Variants in GART observed in about 807,000 individuals in gnomAD.
GART encodes the protein phosphoribosylglycinamide formyltransferase, phosphoribosylglycinamide synthetase, phosphoribosylaminoimidazole synthetase.
A neutral mutation model predicts 107.2 loss-of-function variants in GART; 43 were observed. That is an observed-to-expected ratio of 0.40 (90% CI 0.31 to 0.52). The LOEUF (loss-of-function observed/expected upper bound fraction) is 0.52, where lower values mean the gene tolerates loss of function less well. Ranked by LOEUF, GART falls within the 20% of genes least tolerant of loss-of-function variation. GART has a pLI of 0.52. For synonymous variants in GART, 434 were observed against 427.0 expected, an observed-to-expected ratio of 1.02 and a Z score of -0.20; for missense variants, 1,107 against 1,206.5, an observed-to-expected ratio of 0.92 and a Z score of 1.22.
intron 14 of GART, 125 bp from the exon 15 acceptor site, chr21:33,517,733 ATG>A (rs2084904543): frequency 1.0e-5 from 10 of 955,200 alleles, no homozygotes; most frequent in Non-Finnish European, 1.6e-5. Context: ...ATTTAAGAAA[ATG>A]TACTCTACCA....
chr21:33,535,801 G>A (rs1198092984), intron 2 of GART, among the ~76,000 whole-genome samples: 3 of 152,164 alleles, frequency 2.0e-5, no homozygotes, highest in African/African-American at 7.2e-5. Context: ...GCCGAGGTGG[G>A]TGGATCACCT....
At chr21:33,523,272 T>G (rs1332729667) in intron 11 of GART, among the ~76,000 whole-genome samples, 1 of 152,194 alleles carries the variant, frequency 6.6e-6, no homozygotes, top group East Asian at 1.9e-4. Context: ...CAGAATACAG[T>G]TGAGTGCATT....
rs771139068 is a variant in GART at position 33,532,496 on chromosome 21, T to C, written c.417-40A>G. 4 of 1,426,826 alleles carry C rather than the reference T, an allele frequency of 2.8e-6. No individual in the cohort carries two copies. The Admixed American group carries it at 5.1e-5, about 18-fold the overall frequency. 88.4% of individuals were successfully genotyped at this position (1,426,826 alleles called of 1,614,324 possible). ...TAATCGTCAACATCCAATAAACCATTACAACTCAAGATTTTAAAATGCTGT... is the reference window on the plus strand; with the variant it reads ...TAATCGTCAACATCCAATAAACCATCACAACTCAAGATTTTAAAATGCTGT... On this transcript the variant is annotated intron_variant, in intron 4 of 21. Transcript: ENST00000381815.
At chr21:33,528,028 C>A in intron 10 of GART, 139 bp downstream of exon 10, 1 of 692,136 alleles carries the variant, frequency 1.4e-6, no homozygotes, top group African/African-American at 1.8e-5. Flanking sequence ...ATCCAATAAG[C>A]AACATGGTTA....
chr21:33,513,638 T>C (rs2084829188), intron 16 of GART, among the ~76,000 whole-genome samples: 1 of 152,212 alleles, frequency 6.6e-6, no homozygotes, highest in African/African-American at 2.4e-5. Flanking sequence ...ATTCCATTTA[T>C]AGTAGCTGGG....
intron 10 of GART, among the ~76,000 whole-genome samples, chr21:33,527,409 T>C (rs1420588152): frequency 6.6e-6 from 1 of 152,036 alleles, no homozygotes; most frequent in Non-Finnish European, 1.5e-5. Flanking sequence ...ATCCAGTTAC[T>C]TGGGAGGCTG....
Position 33,522,208 on chromosome 21 carries a change from G to C in GART, c.1373C>G (p.Ala458Gly). ...NMLVKKIQPL[A>G]KATSRSGCKV... is the part of the protein sequence containing the mutation. ...CTGACCTGATCTGGAAGTGGCTTTT[G>C]CTAAAGGCTGAATTTTCTTGACCAG... The change falls in exon 12 of 22, where the codon GCA (alanine) becomes GGA (glycine). Residue 458 changes from alanine to glycine, a missense_variant. Coordinates refer to ENST00000381815, the MANE Select transcript of GART (RefSeq NM_000819.5). 1 of 1,613,666 alleles carries C rather than the reference G, an allele frequency of 6.2e-7. No homozygotes were observed. The highest frequency in any genetic ancestry group is 8.5e-7 in the Non-Finnish European group (1 of 1,179,702).
At chr21:33,518,567 A>G in intron 14 of GART, 3 of 279,616 alleles carry the variant, frequency 1.1e-5, no homozygotes, top group South Asian at 3.6e-5. Context: ...AAAATATTAG[A>G]GATCTAAATT....
chr21:33,529,910 G>C (rs547006644), intron 7 of GART: 1 of 153,578 alleles, frequency 6.5e-6, no homozygotes, highest in Admixed American at 6.5e-5. Flanking sequence ...AAACTGTGCA[G>C]AAGGCCAGGC....
In GART at chr21:33,516,844, G is replaced by A. The variant is rs968448593; in HGVS notation, c.2107+145C>T. 20 of 642,724 alleles carry A rather than the reference G, an allele frequency of 3.1e-5. No homozygotes were observed. The African/African-American group carries it at 3.5e-4, about 11-fold the overall frequency. The allele number at this position is 642,724 out of a possible 1,614,324, so 39.8% of individuals were successfully genotyped here. On this transcript the variant is annotated intron_variant, in intron 16 of 21. Transcript: ENST00000381815. ...ATGAAGCAAAAAGAGATAGAAAAGG[G>A]TCGAGTTTTTCCCTCCCAAAACCCC...
intron 13 of GART, 138 bp downstream of exon 13, chr21:33,520,768 A>C: frequency 1.4e-6 from 1 of 730,198 alleles, no homozygotes; most frequent in South Asian, 1.9e-5. Flanking sequence ...AGAAATGTGC[A>C]GATATTTTAG....
At chr21:33,517,175 C>T in intron 15 of GART, 34 bp from the exon 16 acceptor site, 3 of 1,581,118 alleles carry the variant, frequency 1.9e-6, no homozygotes, top group South Asian at 2.3e-5. Flanking sequence ...AAAACTTAGC[C>T]TATGAATAGA....
At chr21:33,524,488 T>C in intron 11 of GART, 1 of 816,484 alleles carries the variant, frequency 1.2e-6, no homozygotes, top group Non-Finnish European at 1.5e-6. Context: ...GAAGACCCTG[T>C]TAAAAAAATT....
At chr21:33,518,759 G>T in intron 14 of GART, 1 of 466,058 alleles carries the variant, frequency 2.1e-6, no homozygotes, top group Admixed American at 2.4e-5. Context: ...AGCAAGCAGT[G>T]CTTTTCCATC....
intron 15 of GART, 65 bp downstream of exon 15, chr21:33,517,292 C>G: frequency 6.3e-7 from 1 of 1,599,428 alleles, no homozygotes; most frequent in South Asian, 1.1e-5. Context: ...TAATCAGAGA[C>G]TAAAACCACT....
At position 33,531,485 on chromosome 21, in the gene GART, A is replaced by G. The variant is rs117417794; in HGVS notation, c.597+4T>C. The G allele has an allele frequency of 2.8e-4, 456 of 1,612,644 alleles. 2 individuals are homozygous for G. The East Asian group carries it at 8.8e-3, about 31-fold the overall frequency. ...ACAAAAGCCAAAAAGATGAATATAC[A>G]TACCGACACCTCTTCTCCGTCAAGA... On this transcript the variant is annotated splice_donor_region_variant and intron_variant, in intron 6 of 21. Transcript: ENST00000381815.
intron 16 of GART, 89 bp downstream of exon 16, chr21:33,516,900 T>G (rs561833268): frequency 8.8e-7 from 1 of 1,137,698 alleles, no homozygotes; most frequent in African/African-American, 1.5e-5. Context: ...TGTGTAATCA[T>G]GTGTACATTA....
At chr21:33,512,735 T>A (rs1249083887) in intron 16 of GART, among the ~76,000 whole-genome samples, 2 of 144,288 alleles carry the variant, frequency 1.4e-5, no homozygotes, top group Non-Finnish European at 3.0e-5. Flanking sequence ...ACTACAGGCA[T>A]GCGACACCAT....
rs1381229350 is a variant in GART, at chr21:33,517,041, T to C, written c.2055A>G (p.Gly685=). ...VKAFAHITGG[G]LLENIPRVLP... Reference sequence around the variant, plus strand: ...GGACTCTGGGGATGTTCTCTAGTAATCCTCCACCAGTAATATGGGCAAAGG... The same window carrying C: ...GGACTCTGGGGATGTTCTCTAGTAACCCTCCACCAGTAATATGGGCAAAGG... The change falls in exon 16 of 22, where the codon GGA becomes GGG. Residue 685 remains glycine (G), a synonymous_variant. Transcript: ENST00000381815. 1 of 1,613,812 alleles carries C rather than the reference T, an allele frequency of 6.2e-7. No homozygotes were observed. The highest frequency in any genetic ancestry group is 8.5e-7 in the Non-Finnish European group (1 of 1,179,948).
Sources: allele counts gnomAD v4.1 joint callset (sites outside exome capture counted in the v4.1 genomes callset), GRCh38; gene constraint gnomAD v4.1.1; transcripts MANE v1.5; gene names NCBI Gene and HGNC (gene_info 2026-07-23, HGNC 2026-07-21).